Variants in ITPR1 observed in about 807,000 individuals in gnomAD.
ITPR1 encodes inositol 1,4,5-trisphosphate-gated calcium channel ITPR1.
In ITPR1, 96 loss-of-function variants were observed where a neutral mutation model predicts 318.4. That is an observed-to-expected ratio of 0.30 (90% confidence interval 0.26 to 0.36). The LOEUF is 0.36. ITPR1 is among the 10% of genes least tolerant of loss of function. ITPR1 has a pLI of 1.00. For missense variants in ITPR1, 2,440 were observed against 3,460.2 expected (o/e 0.71, Z 7.40); for synonymous variants, 1,312 against 1,289.9 (o/e 1.02, Z -0.37).
chr3:4,761,702 G>A (rs922746150), intron 44 of ITPR1, among the ~76,000 whole-genome samples: 2 of 152,190 alleles, frequency 1.3e-5, no homozygotes, highest in Admixed American at 1.3e-4. Flanking sequence ...AAGAGGTTCC[G>A]GGAGGGAGAG....
At chr3:4,671,968 A>C (rs1030266116) in intron 20 of ITPR1, among the ~76,000 whole-genome samples, 1 of 152,242 alleles carries the variant, frequency 6.6e-6, no homozygotes, top group Non-Finnish European at 1.5e-5. Flanking sequence ...TATTTATTCA[A>C]TACGGGTACT....
intron 10 of ITPR1, among the ~76,000 whole-genome samples, chr3:4,646,450 G>T (rs1018278009): frequency 1.3e-5 from 2 of 152,196 alleles, no homozygotes; most frequent in Non-Finnish European, 2.9e-5. Flanking sequence ...AGCAGCGTGG[G>T]ATAAAACTCA....
rs150707661 is a variant in ITPR1, at chr3:4,736,168, T to C, written c.5544+814T>C. Among the ~76,000 whole-genome samples the C allele has an allele frequency of 8.1e-3, 1,233 of 152,104 alleles. 14 individuals are homozygous for C. The highest frequency in any genetic ancestry group is 0.028 in the African/African-American group (1,146 of 41,526). ...AGTTTTTTTTTTGGACGTGTATCTATGTACAGACTCGTGTACACATACACA... is the reference window on the plus strand; with the variant it reads ...AGTTTTTTTTTTGGACGTGTATCTACGTACAGACTCGTGTACACATACACA... On this transcript the variant is annotated intron_variant, in intron 44 of 61. Coordinates refer to ENST00000649015, the MANE Select transcript of ITPR1 (RefSeq NM_001378452.1).
intron 44 of ITPR1, among the ~76,000 whole-genome samples, chr3:4,735,915 G>T (rs754332832): frequency 1.5e-4 from 23 of 152,144 alleles, no homozygotes; most frequent in East Asian, 3.8e-4. Flanking sequence ...TGAAAGGTAG[G>T]TATGATATAT....
At chr3:4,623,680 C>T (rs1263763091) in intron 4 of ITPR1, among the ~76,000 whole-genome samples, 1 of 152,134 alleles carries the variant, frequency 6.6e-6, no homozygotes, top group African/African-American at 2.4e-5. Context: ...CAATATGGAA[C>T]CTGCAAATTG....
At chr3:4,736,897 T>C (rs1429424475) in intron 44 of ITPR1, among the ~76,000 whole-genome samples, 1 of 152,200 alleles carries the variant, frequency 6.6e-6, no homozygotes, top group African/African-American at 2.4e-5. Context: ...GGGCAGTGGT[T>C]TCCAGACATG....
Position 4,779,676 on chromosome 3 carries a change from C to G in ITPR1, c.6387+31C>G. 1 of 1,461,696 alleles carries G rather than the reference C, an allele frequency of 6.8e-7. No individual in the cohort carries two copies. Among genetic ancestry groups the G allele is most frequent in the Non-Finnish European group, 9.6e-7 (1 of 1,042,824 alleles). The allele number at this position is 1,461,696 out of a possible 1,614,324, so 90.5% of individuals were successfully genotyped here. On this transcript the variant is annotated intron_variant, in intron 49 of 61. Transcript: ENST00000649015. The surrounding 1 kb of genome is among the most constrained non-coding windows in gnomAD (Gnocchi z 4.0). Reference sequence around the variant, plus strand: ...TCGGGTGACGGATCTGATGGTAGCACCAAGGAGCATTGCGACGATATTTGG... The same window carrying G: ...TCGGGTGACGGATCTGATGGTAGCAGCAAGGAGCATTGCGACGATATTTGG...
chr3:4,513,124 C>T (rs749068260), intron 2 of ITPR1, among the ~76,000 whole-genome samples: 7 of 152,110 alleles, frequency 4.6e-5, no homozygotes, highest in Non-Finnish European at 5.9e-5. Flanking sequence ...GATAAAGAGG[C>T]GGGCTCTCCC....
At chr3:4,632,216 A>C (rs2093036009) in intron 5 of ITPR1, among the ~76,000 whole-genome samples, 1 of 152,232 alleles carries the variant, frequency 6.6e-6, no homozygotes, top group Non-Finnish European at 1.5e-5. Flanking sequence ...TTTAGTGCAT[A>C]TGCCCATAGG....
intron 4 of ITPR1, among the ~76,000 whole-genome samples, chr3:4,601,730 C>A (rs758560635): frequency 1.3e-5 from 2 of 152,146 alleles, no homozygotes; most frequent in African/African-American, 2.4e-5. Context: ...TAAAACCTTT[C>A]CTGCTTCAAA....
At chr3:4,663,559 T>C (rs1448609715) in intron 16 of ITPR1, among the ~76,000 whole-genome samples, 1 of 152,178 alleles carries the variant, frequency 6.6e-6, no homozygotes, top group Non-Finnish European at 1.5e-5. Flanking sequence ...TTCCCATATC[T>C]CCTCTTGTCC....
At chr3:4,706,125 C>T (rs762093242) in intron 36 of ITPR1, 42 bp from the exon 37 acceptor site, 2 of 1,609,446 alleles carry the variant, frequency 1.2e-6, no homozygotes, top group African/African-American at 1.3e-5. Flanking sequence ...GGGTGTCCCC[C>T]ATAAAAGTTG....
intron 52 of ITPR1, among the ~76,000 whole-genome samples, chr3:4,792,375 C>G (rs1232969277): frequency 1.3e-5 from 2 of 152,192 alleles, no homozygotes. Context: ...CTTTTTATTG[C>G]TGTATAACAA....
chr3:4,610,214 T>C (rs185198382), intron 4 of ITPR1, among the ~76,000 whole-genome samples: 53 of 152,296 alleles, frequency 3.5e-4, no homozygotes, highest in Admixed American at 3.3e-3. Context: ...TTACTGCCTC[T>C]CCCATCTCTA....
rs1400163478 is a variant in ITPR1 at position 4,710,483 on chromosome 3, C to G, written c.4991+10C>G. 10 of 1,551,538 alleles carry G rather than the reference C, an allele frequency of 6.4e-6. No homozygotes were observed. In the Admixed American group the frequency reaches 1.6e-4, roughly 24 times the overall value. On this transcript the variant is annotated intron_variant, in intron 38 of 61. Transcript: ENST00000649015. This position sits in a 1 kb window ranked among gnomAD's most constrained non-coding sequence, Gnocchi z 4.2. ...GCGGTTTCATTTGCAAGTAAGCGGC[C>G]TCTCTCTCTGGGGTGTTCATTTGCC...
chr3:4,577,762 A>G (rs1010836875), intron 4 of ITPR1, among the ~76,000 whole-genome samples: 2 of 152,228 alleles, frequency 1.3e-5, no homozygotes, highest in Non-Finnish European at 2.9e-5. Flanking sequence ...ATAAAACAAA[A>G]TTTCTTGACT....
intron 4 of ITPR1, among the ~76,000 whole-genome samples, chr3:4,529,585 A>G (rs1316227369): frequency 6.6e-6 from 1 of 152,216 alleles, no homozygotes; most frequent in Non-Finnish European, 1.5e-5. Context: ...AGAGGGATTT[A>G]GAAAGTCTCC....
rs771026165 is a variant in ITPR1, at chr3:4,684,304, G to T, written c.3522G>T (p.Lys1174Asn). The T allele has an allele frequency of 3.0e-5, 49 of 1,612,754 alleles. No homozygotes were observed. The highest frequency in any genetic ancestry group is 4.2e-5 in the Non-Finnish European group (49 of 1,179,190). Residue 1174 changes from lysine to asparagine, a missense_variant, in exon 29 of 62, where the codon AAG becomes AAT. Coordinates refer to ENST00000649015, the MANE Select transcript of ITPR1 (RefSeq NM_001378452.1). ...KTEEGNNKPQ[K>N]HESTSSYNYR... ...AGGAGGGAAATAACAAGCCACAAAA[G>T]CATGAAAGCACCAGCAGCTACAACT...
chr3:4,784,726 C>CAAAAAAAAAA (rs34856837), intron 51 of ITPR1, among the ~76,000 whole-genome samples: 2 of 109,504 alleles, frequency 1.8e-5, no homozygotes, highest in African/African-American at 7.1e-5. Context: ...ACTAAAAATA[C>CAAAAAAAAAA]AAAAAAAAAA....
Sources: gnomAD v4.1 joint callset for allele counts (sites outside exome capture counted in the v4.1 genomes callset) on GRCh38, gnomAD v4.1.1 for gene constraint, Gnocchi (gnomAD v3.1) non-coding constraint, MANE v1.5 for transcripts, NCBI Gene and HGNC (gene_info 2026-07-23, HGNC 2026-07-21) for gene names.